The following UVSSA variants were observed in gnomAD, a reference collection of about 807,000 sequenced individuals.
UVSSA encodes UV stimulated scaffold protein A, also known as UV-stimulated scaffold protein A.
In UVSSA, 72 loss-of-function variants were observed where a neutral mutation model predicts 73.9. The ratio of observed to expected loss-of-function variants is 0.97; its 90% CI spans 0.81 to 1.19. The LOEUF (loss-of-function observed/expected upper bound fraction) is 1.19, where lower values mean the gene tolerates loss of function less well. Among genes scored for constraint, UVSSA ranks in the 50% most tolerant of loss-of-function variants. UVSSA has a pLI of 0.00. For synonymous variants in UVSSA, 454 were observed against 391.3 expected (o/e 1.16, Z -1.89); for missense variants, 1,150 against 965.0 (o/e 1.19, Z -2.54).
At chr4:1,392,251 AC>A (rs1343660975), downstream of UVSSA, 1 of 152,184 alleles carries the variant, frequency 6.6e-6, no homozygotes, top group Non-Finnish European at 1.5e-5. Flanking sequence ...TATAAATGCT[AC>A]CTTTTAGATT....
At chr4:1,394,021 C>T (rs564585737) in exon 14 of UVSSA, 6 of 232,730 alleles carry the variant, frequency 2.6e-5, no homozygotes, top group Admixed American at 5.2e-5. Context: ...CGCTCCATCG[C>T]GGTTCTGCTG....
chr4:1,346,464 GTT>G (rs1713696360), upstream of UVSSA, among the ~76,000 whole-genome samples: 1 of 152,220 alleles, frequency 6.6e-6, no homozygotes, highest in Admixed American at 6.5e-5. Flanking sequence ...ACTCCCCTGC[GTT>G]CGAGGCTGCG....
At chr4:1,343,379 C>G (rs965225162), upstream of UVSSA, among the ~76,000 whole-genome samples, 1 of 152,100 alleles carries the variant, frequency 6.6e-6, no homozygotes, top group Non-Finnish European at 1.5e-5. Flanking sequence ...GGCCTCATCT[C>G]CAAATAAAGT....
exon 14 of UVSSA, chr4:1,394,588 C>T (rs530731346): frequency 1.4e-6 from 2 of 1,412,236 alleles, no homozygotes; most frequent in East Asian, 2.4e-5. Flanking sequence ...CCCGCCTGCT[C>T]ATGTGCCCAT....
At chr4:1,372,241 C>G (rs1718141113) in intron 8 of UVSSA, among the ~76,000 whole-genome samples, 1 of 152,196 alleles carries the variant, frequency 6.6e-6, no homozygotes, top group South Asian at 2.1e-4. Context: ...CTAAAGACAT[C>G]CACTCCAGAG....
intron 7 of UVSSA, among the ~76,000 whole-genome samples, chr4:1,365,887 C>A (rs1577334384): frequency 6.6e-6 from 1 of 151,922 alleles, no homozygotes; most frequent in African/African-American, 2.4e-5. Flanking sequence ...CGCAGACGCA[C>A]CTGCTCCACC....
In UVSSA at chr4:1,349,694, C is replaced by T. The variant is rs775530767; in HGVS notation, c.269C>T (p.Thr90Met). The change falls in exon 3 of 14, where the codon ACG becomes ATG. Residue 90 changes from threonine (T) to methionine (M), a missense_variant. Transcript: ENST00000389851. ...VSNFQEFLEL[T>M]LGTDPAQPLP... The stretch of plus-strand genomic sequence containing the variant: ...AACTTCCAGGAGTTCCTGGAGCTCA[C>T]GCTGGGCACAGACCCCGCACAGCCT... 8 of 1,613,912 alleles carry T rather than the reference C, an allele frequency of 5.0e-6. No individual in the cohort carries two copies. The highest frequency in any genetic ancestry group is 2.2e-5 in the South Asian group (2 of 91,082).
chr4:1,366,600 G>A (rs887434437), intron 8 of UVSSA, among the ~76,000 whole-genome samples, 169 bp downstream of exon 8: 3 of 152,182 alleles, frequency 2.0e-5, no homozygotes, highest in African/African-American at 7.2e-5. Flanking sequence ...CCACGAGGCC[G>A]AGAAGTCGTG....
chr4:1,347,168 C>T (rs1713805335), upstream of UVSSA: 2 of 152,128 alleles, frequency 1.3e-5, no homozygotes, highest in Non-Finnish European at 2.9e-5. Context: ...TCTTGGGCAC[C>T]TGACAAGAGG....
intron 8 of UVSSA, among the ~76,000 whole-genome samples, chr4:1,370,264 T>G (rs1189367514): frequency 6.6e-6 from 1 of 152,230 alleles, no homozygotes; most frequent in Non-Finnish European, 1.5e-5. Flanking sequence ...TGTGCGTGTG[T>G]GCGTGTGTGT....
At chr4:1,394,073 C>T (rs1188192985) in exon 14 of UVSSA, 1 of 290,152 alleles carries the variant, frequency 3.4e-6, no homozygotes, top group South Asian at 3.7e-5. Flanking sequence ...CAGGCAGCTG[C>T]CAACTGTGCC....
At chr4:1,379,919 G>GTGC in intron 10 of UVSSA, 128 bp from the exon 11 acceptor site, 1 of 1,091,558 alleles carries the variant, frequency 9.2e-7, no homozygotes, top group Non-Finnish European at 1.3e-6. Flanking sequence ...TTCTCCCTGG[G>GTGC]TGCTGTCCAC....
intron 8 of UVSSA, among the ~76,000 whole-genome samples, chr4:1,374,282 C>A (rs556280191): frequency 1.8e-4 from 27 of 152,326 alleles, no homozygotes; most frequent in African/African-American, 6.0e-4. Flanking sequence ...TTGTCCTAAC[C>A]CATAGCCTAC....
At chr4:1,362,570 G>A (rs10018627) in intron 7 of UVSSA, among the ~76,000 whole-genome samples, 22,569 of 152,242 alleles carry the variant, frequency 0.15, 1,913 homozygotes, top group African/African-American at 0.23. Context: ...ACCACATAGG[G>A]TGTATGATCT....
chr4:1,363,743 T>G (rs992340234), intron 7 of UVSSA, among the ~76,000 whole-genome samples: 1 of 152,212 alleles, frequency 6.6e-6, no homozygotes, highest in Non-Finnish European at 1.5e-5. Flanking sequence ...AGCGCGGGAG[T>G]TAAGTGCCCC....
At chr4:1,344,348 C>T (rs1350440783), upstream of UVSSA, among the ~76,000 whole-genome samples, 1 of 152,058 alleles carries the variant, frequency 6.6e-6, no homozygotes, top group East Asian at 1.9e-4. Context: ...GCCAGGAGTT[C>T]GAGACCAGCC....
At chr4:1,382,164 G>C (rs1719585986) in intron 12 of UVSSA, among the ~76,000 whole-genome samples, 1 of 152,242 alleles carries the variant, frequency 6.6e-6, no homozygotes, top group Non-Finnish European at 1.5e-5. Flanking sequence ...GCTCAGCCCT[G>C]GGCGGCGGGA....
exon 14 of UVSSA, chr4:1,395,560 G>A: frequency 6.2e-7 from 1 of 1,604,318 alleles, no homozygotes; most frequent in Non-Finnish European, 8.5e-7. Flanking sequence ...CCCATGTGGA[G>A]TGCCCGCCTG....
In UVSSA at chr4:1,354,748, G is replaced by T. The variant is rs1715399899; in HGVS notation, c.948G>T (p.Val316=). The change falls in exon 6 of 14, where the codon GTG becomes GTT. Residue 316 remains valine, a synonymous_variant. Transcript: ENST00000389851. ...GCTTCTCCCCAGAGGGCCTGAAGGT[G>T]CAGGAGAACGAGGACAACCTTGCTC... ...DVELCSEGLK[V]QENEDNLALI... is the part of the protein sequence containing the mutation. 1 of 1,613,556 alleles carries T rather than the reference G, an allele frequency of 6.2e-7. No homozygotes were observed. The highest frequency in any genetic ancestry group is 8.5e-7 in the Non-Finnish European group (1 of 1,179,910).
Sources: gnomAD v4.1 joint callset for allele counts (sites outside exome capture counted in the v4.1 genomes callset) on GRCh38, gnomAD v4.1.1 for gene constraint, MANE v1.5 for transcripts, NCBI Gene and HGNC (gene_info 2026-07-23, HGNC 2026-07-21) for gene names.